Variants in ZMYM2 observed in about 807,000 individuals in gnomAD.
ZMYM2 encodes the protein zinc finger MYM-type protein 2.
ZMYM2 carries 56 observed loss-of-function variants against 162.8 expected under a neutral mutation model. That is an observed-to-expected ratio of 0.34 (90% CI 0.28 to 0.43). ZMYM2 has a LOEUF of 0.43. Among genes scored for constraint, ZMYM2 ranks in the 20% least tolerant of loss-of-function variants. ZMYM2 has a pLI of 1.00. For synonymous variants in ZMYM2, 510 were observed against 541.6 expected (o/e 0.94, Z 0.81); for missense variants, 1,275 against 1,621.8 (o/e 0.79, Z 3.67).
At chr13:19,977,749 C>G (rs1956918647) in intron 2 of ZMYM2, among the ~76,000 whole-genome samples, 1 of 151,920 alleles carries the variant, frequency 6.6e-6, no homozygotes, top group Admixed American at 6.6e-5. Flanking sequence ...CTCAGCCTCC[C>G]AAAGTGCTGG....
rs139017565 is a variant in ZMYM2, at chr13:20,082,980, C to T, written c.3768C>T (p.Asn1256=). 2,050 of 1,613,910 alleles carry T rather than the reference C, an allele frequency of 1.3e-3. 22 individuals carry two copies. The Middle Eastern group carries it at 0.038, about 30-fold the overall frequency. ...AAAAAAATCCTTTAACGATGGAAAA[C>T]AAAGCGTGTCTTCGATACCAAGTGT... The part of the protein sequence containing the change: ...HWKKNPLTME[N]KACLRYQVSS... Residue 1256 remains asparagine, a synonymous_variant, in exon 23 of 25, where the codon AAC becomes AAT. Transcript: ENST00000610343.
the ZMYM2 span, among the ~76,000 whole-genome samples, chr13:19,915,755 C>T: frequency 1.3e-5 from 2 of 152,056 alleles, no homozygotes; most frequent in African/African-American, 2.4e-5. Context: ...CCAACCGCCT[C>T]GCCCTCCCAA....
At chr13:19,925,003 G>A in the ZMYM2 span, among the ~76,000 whole-genome samples, 1 of 151,650 alleles carries the variant, frequency 6.6e-6, no homozygotes, top group East Asian at 1.9e-4. Context: ...TCCTGCCTCA[G>A]TCTCCTGAGT....
Position 20,019,555 on chromosome 13 carries a change from C to A in ZMYM2, c.1521C>A (p.Ser507Arg). ...SCVSEYKQVG[S>R]HPSFLKEVRD... ...TTAAAATCTTTTTTTAGGTAGGTAGCCATCCAAGCTTCCTGAAGGAGGTTC... is the reference window on the plus strand; with the variant it reads ...TTAAAATCTTTTTTTAGGTAGGTAGACATCCAAGCTTCCTGAAGGAGGTTC... The change falls in exon 7 of 25, where the codon AGC becomes AGA. Residue 507 changes from serine (S) to arginine (R), a missense_variant. Transcript: ENST00000610343. 6.3e-7 allele frequency: 1 copy of A among 1,586,964 alleles called. No individual in the cohort carries two copies. Among genetic ancestry groups the A allele is most frequent in the East Asian group, 2.3e-5 (1 of 44,140 alleles).
chr13:19,949,801 C>T, the ZMYM2 span, among the ~76,000 whole-genome samples: 4 of 143,560 alleles, frequency 2.8e-5, no homozygotes, highest in East Asian at 4.3e-4. Flanking sequence ...GCAGAAGACT[C>T]GCTTGAACCT....
At chr13:19,955,308 G>A (rs1954482091), upstream of ZMYM2, among the ~76,000 whole-genome samples, 1 of 152,108 alleles carries the variant, frequency 6.6e-6, no homozygotes, top group African/African-American at 2.4e-5. Flanking sequence ...TATATTAAGT[G>A]AGGTGCAAGG....
the ZMYM2 span, among the ~76,000 whole-genome samples, chr13:19,877,578 G>T: frequency 6.6e-6 from 1 of 152,330 alleles, no homozygotes; most frequent in African/African-American, 2.4e-5. Flanking sequence ...TTGGGGAACA[G>T]ATTTCAACAT....
At chr13:20,010,491 C>G (rs959469881) in intron 6 of ZMYM2, among the ~76,000 whole-genome samples, 1 of 152,140 alleles carries the variant, frequency 6.6e-6, no homozygotes, top group Non-Finnish European at 1.5e-5. Context: ...TGTGAGCCAC[C>G]GTACCTGGCC....
intron 6 of ZMYM2, among the ~76,000 whole-genome samples, chr13:20,017,462 G>A (rs1363812436): frequency 1.3e-5 from 2 of 152,054 alleles, no homozygotes; most frequent in African/African-American, 4.8e-5. Context: ...GTTTCTTTGG[G>A]TTTTATCCTT....
chr13:19,884,969 T>C, the ZMYM2 span, among the ~76,000 whole-genome samples: 2 of 152,202 alleles, frequency 1.3e-5, no homozygotes, highest in East Asian at 3.9e-4. Context: ...TGCTGATTGG[T>C]ATATTTTACA....
chr13:20,051,253 G>GCATCTTTTTTTTTTT (rs369364385), intron 12 of ZMYM2, among the ~76,000 whole-genome samples, 180 bp from the exon 13 acceptor site: 2 of 74,206 alleles, frequency 2.7e-5, no homozygotes, highest in Non-Finnish European at 3.0e-5. Flanking sequence ...CTGTGAAATT[G>GCATCTTTTTTTTTTT]TATTTTTTTT....
At chr13:19,920,742 GTATGTATGTA>G in the ZMYM2 span, among the ~76,000 whole-genome samples, 2 of 10,098 alleles carry the variant, frequency 2.0e-4, no homozygotes, top group South Asian at 2.6e-3. Flanking sequence ...ATGTGTGTAT[GTATGTATGTA>G]TGTATGTATG....
the ZMYM2 span, among the ~76,000 whole-genome samples, chr13:19,869,841 A>G: frequency 6.6e-6 from 1 of 152,328 alleles, no homozygotes; most frequent in East Asian, 1.9e-4. Flanking sequence ...GTGATGGGAA[A>G]AAGAAAACTT....
chr13:19,890,615 G>A, the ZMYM2 span, among the ~76,000 whole-genome samples: 3 of 150,188 alleles, frequency 2.0e-5, no homozygotes, highest in Non-Finnish European at 3.0e-5. Context: ...TTACTAAAAT[G>A]AATTAGACAC....
intron 22 of ZMYM2, 23 bp from the exon 23 acceptor site, chr13:20,082,758 T>C: frequency 6.7e-7 from 1 of 1,493,052 alleles, no homozygotes; most frequent in Non-Finnish European, 8.9e-7. Flanking sequence ...ATAATTCTTT[T>C]AAAATAGTTC....
At chr13:20,003,701 C>T (rs1203804668) in intron 4 of ZMYM2, among the ~76,000 whole-genome samples, 1 of 151,234 alleles carries the variant, frequency 6.6e-6, no homozygotes, top group Non-Finnish European at 1.5e-5. Context: ...GGTGCGATCT[C>T]AGCTCACTGC....
At chr13:20,075,670 C>CTTTTTTTTTTTTTTTTTTTTTTTTTTTT (rs56664916) in intron 21 of ZMYM2, among the ~76,000 whole-genome samples, 10 of 75,718 alleles carry the variant, frequency 1.3e-4, no homozygotes, top group Non-Finnish European at 1.7e-4. Flanking sequence ...CTATAGACAC[C>CTTTTTTTTTTTTTTTTTTTTTTTTTTTT]TTTTTTTTTT....
chr13:20,052,457 T>C, intron 14 of ZMYM2, 146 bp downstream of exon 14: 1 of 636,412 alleles, frequency 1.6e-6, no homozygotes, highest in Non-Finnish European at 2.6e-6. Flanking sequence ...AGCTGAATTA[T>C]ATTAATACCA....
rs1050571401 is a variant in ZMYM2, at chr13:20,050,927, A to T, written c.2293-506A>T. The stretch of plus-strand genomic sequence containing the variant: ...TTATTAAAATTAAATAAATGTATTT[A>T]TTAAAGCTTTTCAAATTTATATTAA... On this transcript the variant is annotated intron_variant, in intron 12 of 24. Transcript: ENST00000610343. Among the ~76,000 whole-genome samples the T allele has an allele frequency of 2.6e-5, 4 of 152,106 alleles. No homozygotes were observed. The East Asian group carries it at 7.7e-4, about 29-fold the overall frequency.
Sources: allele counts gnomAD v4.1 joint callset (sites outside exome capture counted in the v4.1 genomes callset), GRCh38; gene constraint gnomAD v4.1.1; transcripts MANE v1.5; gene names NCBI Gene and HGNC (gene_info 2026-07-23, HGNC 2026-07-21).